XIRP1: variants seen among roughly 807,000 people sequenced by gnomAD.
XIRP1 encodes xin actin-binding repeat-containing protein 1.
For missense variants in XIRP1, 2,378 were observed against 2,345.4 expected (o/e 1.01, Z -0.29); for synonymous variants, 984 against 947.0 (o/e 1.04, Z -0.72).
rs368538825 is a variant in XIRP1, at chr3:39,184,450, A to G, written c.4996T>C (p.Ser1666Pro). Residue 1666 changes from serine to proline, a missense_variant, in exon 2 of 2, where the codon TCT becomes CCT. Coordinates refer to ENST00000340369, the MANE Select transcript of XIRP1 (RefSeq NM_194293.4). ...PPRVLPSSRD[S>P]PSSPTFISIQ... Reference sequence around the variant, plus strand: ...GAGATAAATGTTGGGGAGGAGGGAGAATCTCGGCTGGAAGGTAAAACCCGA... The same window carrying G: ...GAGATAAATGTTGGGGAGGAGGGAGGATCTCGGCTGGAAGGTAAAACCCGA... 3.1e-6 allele frequency: 5 copies of G among 1,613,956 alleles called. No individual in the cohort carries two copies. In the African/African-American group the frequency reaches 5.3e-5, roughly 17 times the overall value.
Position 39,189,076 on chromosome 3 carries a change from G to A in XIRP1, c.370C>T (p.Gln124Ter). ...TCCTCAAACTTGCGGGAGGTGGCCT[G>A]GACGTCACCACACAGCACGGGCTCC... ...AKEPVLCGDV[Q>*]ATSRKFEEGS... The change falls in exon 2 of 2, where the codon CAG (glutamine) becomes TAG (stop). Residue 124 changes from glutamine to a stop codon, truncating the protein, a stop_gained. Transcript: ENST00000340369. LOFTEE classifies it low-confidence loss of function (END_TRUNC). 6.2e-7 allele frequency: 1 copy of A among 1,614,168 alleles called. No individual in the cohort carries two copies.
In XIRP1 at chr3:39,188,697, A is replaced by G. The variant is rs1343079174; in HGVS notation, c.749T>C (p.Ile250Thr). ...LCAIQDAEGA[I>T]HEVKAACREE... is the part of the protein sequence containing the mutation. ...CCGGCATGCGGCCTTGACCTCATGG[A>G]TGGCGCCCTCTGCATCCTGGATGGC... Residue 250 changes from isoleucine (I) to threonine (T), a missense_variant, in exon 2 of 2, where the codon ATC becomes ACC. Physicochemically the swap from Ile to Thr is moderately conservative, Grantham distance 89 (BLOSUM62 -1). Coordinates refer to ENST00000340369, the MANE Select transcript of XIRP1 (RefSeq NM_194293.4). The G allele has an allele frequency of 1.9e-6, 3 of 1,613,162 alleles. No homozygotes were observed. The Admixed American group carries it at 5.0e-5, about 27-fold the overall frequency.
Position 39,189,510 on chromosome 3 carries a change from G to C in XIRP1, c.-65C>G. On this transcript the variant is annotated 5_prime_UTR_variant, in exon 2 of 2. Transcript: ENST00000340369. ...GAGCCTTAGATCTAGATGTTCAGCA[G>C]GGTAGAGGCTGGATGCTGGGAGAAA... is the stretch of plus-strand genomic sequence containing the variant. The C allele has an allele frequency of 6.6e-7, 1 of 1,521,782 alleles. No homozygotes were observed. 94.3% of individuals were successfully genotyped at this position (1,521,782 alleles called of 1,614,324 possible).
At position 39,187,240 on chromosome 3, in the gene XIRP1, G is replaced by A. The variant is rs1252211160; in HGVS notation, c.2206C>T (p.Pro736Ser). The A allele has an allele frequency of 1.9e-6, 3 of 1,585,398 alleles. No homozygotes were observed. Among genetic ancestry groups the A allele is most frequent in the South Asian group, 1.1e-5 (1 of 88,048 alleles). ...CTCTCAGCTGCCAGGGAGCCCATGG[G>A]ACAATTCTCAAAAAGCCAAGTGAAC... ...HKFTWLFENC[P>S]MGSLAAESIQ... Residue 736 changes from proline (P) to serine (S), a missense_variant, in exon 2 of 2, where the codon CCC (proline) becomes TCC (serine). By Grantham distance (74) the Pro-to-Ser change is moderately conservative. Transcript: ENST00000340369.
chr3:39,186,209 G>A lies in XIRP1; in HGVS notation c.3237C>T (p.Gly1079=). 2 of 1,613,808 alleles carry A rather than the reference G, an allele frequency of 1.2e-6. No individual in the cohort carries two copies. The highest frequency in any genetic ancestry group is 1.7e-6 in the Non-Finnish European group (2 of 1,179,944). ...HQQVLNKHKQ[G]PTPTATSNPI... is the part of the protein sequence containing the mutation. ...GGTTGGAAGTGGCTGTTGGGGTGGG[G>A]CCCTGCTTGTGCTTGTTCAGAACTT... The change falls in exon 2 of 2, where the codon GGC becomes GGT. Residue 1079 remains glycine (G), a synonymous_variant. Coordinates refer to ENST00000340369, the MANE Select transcript of XIRP1 (RefSeq NM_194293.4).
At position 39,184,370 on chromosome 3, in the gene XIRP1, AG is replaced by A; in HGVS notation, c.5075del (p.Pro1692LeufsTer5). The A allele has an allele frequency of 1.2e-6, 2 of 1,614,156 alleles. No homozygotes were observed. Among genetic ancestry groups the A allele is most frequent in the Non-Finnish European group, 1.7e-6 (2 of 1,180,022 alleles). On this transcript the variant is annotated frameshift_variant, in exon 2 of 2. Coordinates refer to ENST00000340369, the MANE Select transcript of XIRP1 (RefSeq NM_194293.4). LOFTEE classifies it low-confidence loss of function (END_TRUNC). The stretch of plus-strand genomic sequence containing the variant: ...GTTGTGTGCTTTTCACTGAGACATC[AG>A]GGTTGCCCTTAAAGCTGGGAGTCTC... ...PLETPSFKGNPDVSVKSTQLA... is the reference protein window; with the variant it reads ...PLETPSFKGNXDVSVKSTQLA...
rs2039956531 is a variant in XIRP1 at position 39,185,729 on chromosome 3, C to T, written c.3717G>A (p.Gly1239=). Residue 1239 remains glycine, a synonymous_variant, in exon 2 of 2, where the codon GGG becomes GGA. Coordinates refer to ENST00000340369, the MANE Select transcript of XIRP1 (RefSeq NM_194293.4). The part of the protein sequence containing the change: ...APLGRHILAS[G]PQAAGASPHP... ...GCGGGCTGGCACCTGCAGCTTGGGG[C>T]CCAGAGGCCAGAATGTGGCGGCCTA... is the stretch of plus-strand genomic sequence containing the variant. 4 of 1,608,718 alleles carry T rather than the reference C, an allele frequency of 2.5e-6. No homozygotes were observed. Among genetic ancestry groups the T allele is most frequent in the Non-Finnish European group, 3.4e-6 (4 of 1,177,084 alleles).
At chr3:39,189,876 G>T (rs571111491) in intron 1 of XIRP1, among the ~76,000 whole-genome samples, 1 of 152,212 alleles carries the variant, frequency 6.6e-6, no homozygotes, top group Non-Finnish European at 1.5e-5. Flanking sequence ...TGCCAGGGGA[G>T]TGGCCTGGGG....
chr3:39,187,842 C>T lies in XIRP1; in HGVS notation c.1604G>A (p.Arg535Gln), dbSNP rs370513707. ...GRSPSTIDVVRGITRQEVVAG... is the reference protein window; with the variant it reads ...GRSPSTIDVVQGITRQEVVAG... ...CACCACTTCCTGCCGGGTGATGCCC[C>T]GCACCACGTCGATGGTACTGGGGCT... The change falls in exon 2 of 2, where the codon CGG (arginine) becomes CAG (glutamine). Residue 535 changes from arginine (R) to glutamine (Q), a missense_variant. Physicochemically the swap from Arg to Gln is conservative, Grantham distance 43. Transcript: ENST00000340369. 33 of 1,614,008 alleles carry T rather than the reference C, an allele frequency of 2.0e-5. No homozygotes were observed. Among genetic ancestry groups the T allele is most frequent in the East Asian group, 8.9e-5 (4 of 44,890 alleles).
chr3:39,184,584 G>A lies in XIRP1; in HGVS notation c.4862C>T (p.Ala1621Val). 6.2e-7 allele frequency: 1 copy of A among 1,613,998 alleles called. No individual in the cohort carries two copies. The highest frequency in any genetic ancestry group is 8.5e-7 in the Non-Finnish European group (1 of 1,180,032). ...ATTTCTGATCTTGACTTGACTCTGG[G>A]CCTCAGTGTGGCATTCAACCTTGGC... is the stretch of plus-strand genomic sequence containing the variant. ...NQAKVECHTE[A>V]QSQVKIRNHT... Residue 1621 changes from alanine (A) to valine (V), a missense_variant, in exon 2 of 2, where the codon GCC (alanine) becomes GTC (valine). Transcript: ENST00000340369.
chr3:39,188,044 C>G lies in XIRP1; in HGVS notation c.1402G>C (p.Glu468Gln). The G allele has an allele frequency of 1.2e-6, 2 of 1,614,222 alleles. No homozygotes were observed. Among genetic ancestry groups the G allele is most frequent in the South Asian group, 2.2e-5 (2 of 91,090 alleles). Residue 468 changes from glutamate (E) to glutamine (Q), a missense_variant, in exon 2 of 2, where the codon GAA becomes CAA. By Grantham distance (29) the Glu-to-Gln change is conservative. Coordinates refer to ENST00000340369, the MANE Select transcript of XIRP1 (RefSeq NM_194293.4). The stretch of plus-strand genomic sequence containing the variant: ...GCCTGCCCAGCAGAATCAGTTCCTT[C>G]TTCTCTGCTTGGACTCCCATGGGCC... Reference protein sequence around the residue: ...VLAHGSPSREEGTDSAGQAQG... With the variant: ...VLAHGSPSREQGTDSAGQAQG...
chr3:39,192,131 G>A (rs886120167), intron 1 of XIRP1, among the ~76,000 whole-genome samples: 7 of 152,238 alleles, frequency 4.6e-5, no homozygotes, highest in African/African-American at 1.7e-4. Context: ...TGAAGCCTGA[G>A]GCACTCCATA....
rs2039958019 is a variant in XIRP1 at position 39,185,786 on chromosome 3, T to C, written c.3660A>G (p.Gln1220=). Residue 1220 remains glutamine (Q), a synonymous_variant, in exon 2 of 2, where the codon CAA becomes CAG. Transcript: ENST00000340369. ...AMAEVCPGGL[Q]AAETTLKTAP... Reference sequence around the variant, plus strand: ...CAGTCTTCAGGGTGGTCTCTGCAGCTTGGAGGCCCCCTGGGCAGACTTCTG... The same window carrying C: ...CAGTCTTCAGGGTGGTCTCTGCAGCCTGGAGGCCCCCTGGGCAGACTTCTG... 6.2e-7 allele frequency: 1 copy of C among 1,611,918 alleles called. No individual in the cohort carries two copies.
chr3:39,189,685 TA>T (rs771993668), intron 1 of XIRP1, among the ~76,000 whole-genome samples, 160 bp from the exon 2 acceptor site: 19 of 152,120 alleles, frequency 1.2e-4, no homozygotes, highest in South Asian at 2.1e-4. Context: ...ATGGACCCAT[TA>T]ATCATAGTGG....
chr3:39,191,275 C>T (rs954346122), intron 1 of XIRP1, among the ~76,000 whole-genome samples: 1 of 152,140 alleles, frequency 6.6e-6, no homozygotes, highest in Non-Finnish European at 1.5e-5. Context: ...CCAAGGCAAA[C>T]CTGAGCCTGT....
chr3:39,187,582 C>T lies in XIRP1; in HGVS notation c.1864G>A (p.Glu622Lys), dbSNP rs746679625. The part of the protein sequence containing the change: ...SEVTDPTAKA[E>K]AQSCTWMFKP... The stretch of plus-strand genomic sequence containing the variant: ...AACATCCAGGTGCAGGACTGTGCCT[C>T]AGCCTTGGCTGTGGGATCTGTGACC... Residue 622 changes from glutamate to lysine, a missense_variant, in exon 2 of 2, where the codon GAG (glutamate) becomes AAG (lysine). Glu to Lys is a moderately conservative substitution (Grantham distance 56, BLOSUM62 1). Transcript: ENST00000340369. 7 of 1,614,008 alleles carry T rather than the reference C, an allele frequency of 4.3e-6. No individual in the cohort carries two copies. Among genetic ancestry groups the T allele is most frequent in the South Asian group, 1.1e-5 (1 of 91,094 alleles).
In XIRP1 at chr3:39,185,110, C is replaced by T. The variant is rs1398390738; in HGVS notation, c.4336G>A (p.Gly1446Arg). Residue 1446 changes from glycine (G) to arginine (R), a missense_variant, in exon 2 of 2, where the codon GGA (glycine) becomes AGA (arginine). By Grantham distance (125) the Gly-to-Arg change is moderately radical. Transcript: ENST00000340369. ...TSPQWGPGPSGEQPMEGSHQG... is the reference protein window; with the variant it reads ...TSPQWGPGPSREQPMEGSHQG... ...TGGGAACCTTCCATGGGCTGCTCTC[C>T]TGAGGGGCCGGGGCCCCACTGTGGT... The T allele has an allele frequency of 1.9e-6, 3 of 1,552,032 alleles. No individual in the cohort carries two copies. The highest frequency in any genetic ancestry group is 2.6e-6 in the Non-Finnish European group (3 of 1,152,040).
At position 39,185,091 on chromosome 3, in the gene XIRP1, C is replaced by G. The variant is rs1423218261; in HGVS notation, c.4355G>C (p.Gly1452Ala). 2 of 1,527,754 alleles carry G rather than the reference C, an allele frequency of 1.3e-6. No homozygotes were observed. The highest frequency in any genetic ancestry group is 1.3e-5 in the South Asian group (1 of 75,936). 94.6% of individuals were successfully genotyped at this position (1,527,754 alleles called of 1,614,324 possible). Residue 1452 changes from glycine to alanine, a missense_variant, in exon 2 of 2, where the codon GGT becomes GCT. Coordinates refer to ENST00000340369, the MANE Select transcript of XIRP1 (RefSeq NM_194293.4). ...GCTCTCAGGGGCCCCTTGGTGGGAA[C>G]CTTCCATGGGCTGCTCTCCTGAGGG... is the stretch of plus-strand genomic sequence containing the variant. ...PGPSGEQPMEGSHQGAPESPD... is the reference protein window; with the variant it reads ...PGPSGEQPMEASHQGAPESPD...
rs555974071 is a variant in XIRP1 at position 39,184,021 on chromosome 3, G to A, written c.5425C>T (p.Pro1809Ser). The A allele has an allele frequency of 9.4e-5, 152 of 1,613,164 alleles. 2 individuals carry two copies. In the South Asian group the frequency reaches 1.5e-3, roughly 16 times the overall value. The change falls in exon 2 of 2, where the codon CCC becomes TCC. Residue 1809 changes from proline (P) to serine (S), a missense_variant. Coordinates refer to ENST00000340369, the MANE Select transcript of XIRP1 (RefSeq NM_194293.4). ...PGSHLGLHAS[P>S]LLRQFLHSPA... ...CTGTGCAGGAACTGCCTCAGCAAGGGGGAGGCGTGGAGCCCGAGGTGGGAG... is the reference window on the plus strand; with the variant it reads ...CTGTGCAGGAACTGCCTCAGCAAGGAGGAGGCGTGGAGCCCGAGGTGGGAG...
Sources: allele counts gnomAD v4.1 joint callset (sites outside exome capture counted in the v4.1 genomes callset), GRCh38; gene constraint gnomAD v4.1.1; transcripts MANE v1.5; gene names NCBI Gene and HGNC (gene_info 2026-07-23, HGNC 2026-07-21).